The following CHTF18 variants were observed in gnomAD, a reference collection of about 807,000 sequenced individuals.
CHTF18 encodes chromosome transmission fidelity factor 18.
A neutral mutation model predicts 113.4 loss-of-function variants in CHTF18; 151 were observed. The ratio of observed to expected loss-of-function variants is 1.33; its 90% confidence interval spans 1.17 to 1.52. The LOEUF is 1.52. CHTF18 is among the 40% of genes most tolerant of loss of function. CHTF18 has a pLI of 0.00. For missense variants in CHTF18, 1,982 were observed against 1,381.6 expected (o/e 1.43, Z -6.89); for synonymous variants, 916 against 598.8 (o/e 1.53, Z -7.74).
chr16:797,330 C>T (rs538362874), intron 20 of CHTF18, among the ~76,000 whole-genome samples: 124 of 145,116 alleles, frequency 8.5e-4, no homozygotes, highest in Admixed American at 1.8e-3. Flanking sequence ...GGGGTGGGGC[C>T]AGGGTACCTT....
chr16:790,003 G>A (rs2042137768), intron 4 of CHTF18, 174 bp from the exon 5 acceptor site: 1 of 1,535,356 alleles, frequency 6.5e-7, no homozygotes, highest in South Asian at 1.2e-5. Context: ...ATTTCCCTTT[G>A]CAGCTGACCC....
Position 795,240 on chromosome 16 carries a change from C to T in CHTF18, c.2059C>T (p.His687Tyr), listed in dbSNP as rs746532950. ...CGATGACCTGCTGGCGGGGGCTGCT[C>T]ATCACAGCCAGAGCTTCCAGCTGCT... ...AFDDLLAGAA[H>Y]HSQSFQLLRY... Residue 687 changes from histidine to tyrosine, a missense_variant, in exon 16 of 22, where the codon CAT (histidine) becomes TAT (tyrosine). Physicochemically the swap from His to Tyr is moderately conservative, Grantham distance 83. Coordinates refer to ENST00000262315, the MANE Select transcript of CHTF18 (RefSeq NM_022092.3). 4 of 1,549,860 alleles carry T rather than the reference C, an allele frequency of 2.6e-6. No individual in the cohort carries two copies. The highest frequency in any genetic ancestry group is 2.6e-6 in the Non-Finnish European group (3 of 1,147,208).
Position 793,254 on chromosome 16 carries a change from C to A in CHTF18, c.1782C>A (p.Phe594Leu). The change falls in exon 14 of 22, where the codon TTC becomes TTA. Residue 594 changes from phenylalanine to leucine, a missense_variant. Physicochemically the swap from Phe to Leu is conservative, Grantham distance 22 (BLOSUM62 0). Transcript: ENST00000262315. ...TCTTCTCGGTGTGGCAGGAGGTCTT[C>A]CAGCTGCCTCGAGCCCAGAGGTAGG... ...RGLFSVWQEVFQLPRAQRRRV... is the reference protein window; with the variant it reads ...RGLFSVWQEVLQLPRAQRRRV... 2 of 1,607,050 alleles carry A rather than the reference C, an allele frequency of 1.2e-6. No individual in the cohort carries two copies. The highest frequency in any genetic ancestry group is 1.7e-6 in the Non-Finnish European group (2 of 1,178,520).
intron 7 of CHTF18, 66 bp downstream of exon 7, chr16:790,732 C>G: frequency 6.8e-7 from 1 of 1,463,578 alleles, no homozygotes; most frequent in Non-Finnish European, 9.0e-7. Context: ...GAACCTGGGC[C>G]CAGTGATTTT....
chr16:792,757 C>G lies in CHTF18; in HGVS notation c.1518C>G (p.Phe506Leu), dbSNP rs1174682317. ...TGCGGCAGCTGAAGCAGCAGGCCTT[C>G]CTGCTCCACTTCCCGCCGACTCTGC... is the stretch of plus-strand genomic sequence containing the variant. ...PSLRQLKQQAFLLHFPPTLPS... is the reference protein window; with the variant it reads ...PSLRQLKQQALLLHFPPTLPS... The change falls in exon 12 of 22, where the codon TTC (phenylalanine) becomes TTG (leucine). Residue 506 changes from phenylalanine to leucine, a missense_variant. Coordinates refer to ENST00000262315, the MANE Select transcript of CHTF18 (RefSeq NM_022092.3). 1 of 1,551,470 alleles carries G rather than the reference C, an allele frequency of 6.4e-7. No individual in the cohort carries two copies. Among genetic ancestry groups the G allele is most frequent in the Non-Finnish European group, 8.7e-7 (1 of 1,152,774 alleles).
At position 791,218 on chromosome 16, in the gene CHTF18, C is replaced by T. The variant is rs756385419; in HGVS notation, c.952C>T (p.His318Tyr). 9.9e-6 allele frequency: 16 copies of T among 1,611,356 alleles called. No homozygotes were observed. Among genetic ancestry groups the T allele is most frequent in the Admixed American group, 1.7e-5 (1 of 59,892 alleles). ...LKLWDLVVFG[H>Y]ERPSRKPRPS... ...GTTGTGGGACCTGGTGGTGTTTGGC[C>T]ACGAGAGGCCTTCCCGGAAGCCCAG... is the stretch of plus-strand genomic sequence containing the variant. The change falls in exon 8 of 22, where the codon CAC (histidine) becomes TAC (tyrosine). Residue 318 changes from histidine (H) to tyrosine (Y), a missense_variant. His to Tyr is a moderately conservative substitution (Grantham distance 83). Coordinates refer to ENST00000262315, the MANE Select transcript of CHTF18 (RefSeq NM_022092.3).
chr16:793,884 G>C (rs931041128), intron 14 of CHTF18, 170 bp from the exon 15 acceptor site: 25 of 705,534 alleles, frequency 3.5e-5, no homozygotes, highest in African/African-American at 2.1e-4. Flanking sequence ...AGGGGGTTGA[G>C]GTCCGGGCGT....
In CHTF18 at chr16:790,528, C is replaced by T. The variant is rs377472910; in HGVS notation, c.756C>T (p.Leu252=). The change falls in exon 7 of 22, where the codon CTC becomes CTT. Residue 252 remains leucine, a synonymous_variant. Coordinates refer to ENST00000262315, the MANE Select transcript of CHTF18 (RefSeq NM_022092.3). ...CTCAGGACGTGGTCCTCTCCAGTCT[C>T]AGGTCGGGGGAGGAGGAGGCAGCCC... ...AQKLSDTLHS[L]RSGEEEAAQP... is the part of the protein sequence containing the mutation. 1 of 1,601,272 alleles carries T rather than the reference C, an allele frequency of 6.2e-7. No homozygotes were observed. The highest frequency in any genetic ancestry group is 1.3e-5 in the African/African-American group (1 of 74,732).
chr16:789,245 A>C lies in CHTF18; in HGVS notation c.322A>C (p.Lys108Gln), dbSNP rs1289026066. 1 of 1,556,214 alleles carries C rather than the reference A, an allele frequency of 6.4e-7. No individual in the cohort carries two copies. Among genetic ancestry groups the C allele is most frequent in the East Asian group, 2.4e-5 (1 of 41,260 alleles). ...CAAACGGCCTAGGCTGCAGGTGGTCAAGAGGCTGAACTTCAGATCGGAGGA... is the reference window on the plus strand; with the variant it reads ...CAAACGGCCTAGGCTGCAGGTGGTCCAGAGGCTGAACTTCAGATCGGAGGA... The part of the protein sequence containing the change: ...RIKRPRLQVV[K>Q]RLNFRSEEME... The change falls in exon 3 of 22, where the codon AAG becomes CAG. Residue 108 changes from lysine to glutamine, a missense_variant. By Grantham distance (53) the Lys-to-Gln change is moderately conservative. Coordinates refer to ENST00000262315, the MANE Select transcript of CHTF18 (RefSeq NM_022092.3).
chr16:794,416 A>AG (rs1219318104), intron 15 of CHTF18, among the ~76,000 whole-genome samples: 1 of 151,218 alleles, frequency 6.6e-6, no homozygotes, highest in African/African-American at 2.4e-5. Context: ...GCAGGCAAGG[A>AG]GGTAGGGGCG....
chr16:794,854 C>T (rs1378618955), intron 15 of CHTF18: 16 of 480,006 alleles, frequency 3.3e-5, no homozygotes, highest in African/African-American at 2.2e-4. Flanking sequence ...GGTGGGTCAC[C>T]CCCTCGTGTC....
rs776202338 is a variant in CHTF18 at position 790,392 on chromosome 16, C to T, written c.745C>T (p.Leu249=). The T allele has an allele frequency of 1.2e-6, 2 of 1,612,368 alleles. No individual in the cohort carries two copies. The highest frequency in any genetic ancestry group is 1.3e-5 in the African/African-American group (1 of 75,050). Residue 249 remains leucine, a synonymous_variant, in exon 6 of 22, where the codon CTG becomes TTG. Coordinates refer to ENST00000262315, the MANE Select transcript of CHTF18 (RefSeq NM_022092.3). Reference sequence around the variant, plus strand: ...GGAGGCCCAGAAGCTTTCAGACACCCTGCACAGGTGACTTGGTTGGCCCTT... The same window carrying T: ...GGAGGCCCAGAAGCTTTCAGACACCTTGCACAGGTGACTTGGTTGGCCCTT... ...LQEAQKLSDT[L]HSLRSGEEEA...
intron 16 of CHTF18, 95 bp downstream of exon 16, chr16:795,451 AAACACACTGCCCGTGTGGC>A (rs2042313495): frequency 5.1e-6 from 1 of 197,124 alleles, no homozygotes; most frequent in African/African-American, 2.2e-4. Flanking sequence ...CCGCCCCCCC[AAACACACTGCCCGTGTGGC>A]TGCCCCCGGC....
At chr16:794,631 C>T (rs1051358572) in intron 15 of CHTF18, 3 of 234,200 alleles carry the variant, frequency 1.3e-5, no homozygotes, top group African/African-American at 6.7e-5. Flanking sequence ...TGACTCTAAG[C>T]GGCTTTGGAT....
rs774174201 is a variant in CHTF18, at chr16:795,844, G to A, written c.2325+10G>A. ...ACCCAAGCTCCGCCCCGTGAGTGCCGTCCCCGGGGTGGGGGATTCCCCGCC... is the reference window on the plus strand; with the variant it reads ...ACCCAAGCTCCGCCCCGTGAGTGCCATCCCCGGGGTGGGGGATTCCCCGCC... On this transcript the variant is annotated intron_variant, in intron 17 of 21. Coordinates refer to ENST00000262315, the MANE Select transcript of CHTF18 (RefSeq NM_022092.3). The A allele has an allele frequency of 9.3e-6, 15 of 1,607,774 alleles. No individual in the cohort carries two copies. The highest frequency in any genetic ancestry group is 4.4e-5 in the South Asian group (4 of 90,468).
In CHTF18 at chr16:790,881, C is replaced by T. The variant is rs528853393; in HGVS notation, c.894+215C>T. Reference sequence around the variant, plus strand: ...GAGGCAGGCTAGGGGTCCAGGGTGTCACCTGATCCAAGTCTCTGTTCCCTT... The same window carrying T: ...GAGGCAGGCTAGGGGTCCAGGGTGTTACCTGATCCAAGTCTCTGTTCCCTT... On this transcript the variant is annotated intron_variant, in intron 7 of 21. Coordinates refer to ENST00000262315, the MANE Select transcript of CHTF18 (RefSeq NM_022092.3). The T allele has an allele frequency of 3.6e-5, 51 of 1,432,236 alleles. No individual in the cohort carries two copies. The African/African-American group carries it at 6.0e-4, about 17-fold the overall frequency. The allele number at this position is 1,432,236 out of a possible 1,614,324, so 88.7% of individuals were successfully genotyped here. A position where few individuals can be genotyped will look rare whatever the true frequency, so the allele number is the denominator to read the frequency against.
chr16:793,308 C>T (rs745449744), intron 14 of CHTF18, 34 bp downstream of exon 14: 1 of 1,601,100 alleles, frequency 6.2e-7, no homozygotes, highest in South Asian at 1.1e-5. Flanking sequence ...CCCAGATGCT[C>T]ACGGTGCCCG....
At chr16:790,055 C>T (rs561303559) in intron 4 of CHTF18, 122 bp from the exon 5 acceptor site, 40 of 1,536,548 alleles carry the variant, frequency 2.6e-5, no homozygotes, top group Non-Finnish European at 3.2e-5. Flanking sequence ...GTCCAGTCTC[C>T]CACCCCTCAC....
intron 4 of CHTF18, 129 bp from the exon 5 acceptor site, chr16:790,048 C>G: frequency 1.3e-6 from 2 of 1,536,304 alleles, no homozygotes; most frequent in Non-Finnish European, 1.7e-6. Flanking sequence ...CACCCCTGTC[C>G]AGTCTCCCAC....
Sources: gnomAD v4.1 joint callset for allele counts (sites outside exome capture counted in the v4.1 genomes callset) on GRCh38, gnomAD v4.1.1 for gene constraint, MANE v1.5 for transcripts, NCBI Gene and HGNC (gene_info 2026-07-23, HGNC 2026-07-21) for gene names.